The following FHOD3 variants were observed in gnomAD, a reference collection of about 807,000 sequenced individuals.
FHOD3 encodes FH1/FH2 domain-containing protein 3.
Under a neutral mutation model 173.0 loss-of-function variants are expected in FHOD3, and 90 were observed. The observed-to-expected ratio is 0.52, with a 90% CI of 0.44 to 0.62. The LOEUF (loss-of-function observed/expected upper bound fraction) is 0.62, where lower values mean the gene tolerates loss of function less well. Among genes scored for constraint, FHOD3 ranks in the 20% least tolerant of loss-of-function variants. The pLI, the probability that FHOD3 is intolerant of heterozygous loss-of-function variation, is 0.00. For missense variants in FHOD3, 1,945 were observed against 2,034.7 expected (o/e 0.96, Z 0.85); for synonymous variants, 828 against 823.0 (o/e 1.01, Z -0.10).
intron 23 of FHOD3, among the ~76,000 whole-genome samples, chr18:36,746,722 C>T (rs2042171841): frequency 6.6e-6 from 1 of 152,140 alleles, no homozygotes. Context: ...AAAGGTAACA[C>T]ATGTATTAAG....
chr18:36,482,858 C>CACACACACAGAG (rs1400178557), intron 3 of FHOD3, among the ~76,000 whole-genome samples: 30 of 130,454 alleles, frequency 2.3e-4, no homozygotes, highest in African/African-American at 6.2e-4. Context: ...CACACACACA[C>CACACACACAGAG]AGAGAGAGAG....
chr18:36,603,751 G>A (rs866542493), intron 8 of FHOD3, among the ~76,000 whole-genome samples: 13 of 152,140 alleles, frequency 8.5e-5, no homozygotes, highest in African/African-American at 3.1e-4. Flanking sequence ...TGGTCCACCC[G>A]TTTTGGCCTC....
chr18:36,555,100 C>A (rs1257606669), intron 5 of FHOD3, among the ~76,000 whole-genome samples: 1 of 152,070 alleles, frequency 6.6e-6, no homozygotes, highest in African/African-American at 2.4e-5. Context: ...TTAACCAGCT[C>A]TTATTTTTCT....
intron 2 of FHOD3, among the ~76,000 whole-genome samples, chr18:36,365,383 C>G (rs570184082): frequency 1.3e-5 from 2 of 152,120 alleles, no homozygotes; most frequent in Non-Finnish European, 2.9e-5. Context: ...ATCTGATGAC[C>G]TGGAAGACAG....
At chr18:36,352,235 C>A (rs2046162193) in intron 1 of FHOD3, among the ~76,000 whole-genome samples, 1 of 151,590 alleles carries the variant, frequency 6.6e-6, no homozygotes, top group African/African-American at 2.4e-5. Flanking sequence ...AACAGTGAGA[C>A]CCCCCTGCTA....
chr18:36,742,085 A>T (rs1177004698), intron 21 of FHOD3, among the ~76,000 whole-genome samples: 1 of 152,084 alleles, frequency 6.6e-6, no homozygotes, highest in African/African-American at 2.4e-5. Flanking sequence ...CTGAAGCTGG[A>T]TTTCCTGGCT....
At chr18:36,509,803 T>C (rs1204365090) in intron 4 of FHOD3, among the ~76,000 whole-genome samples, 2 of 152,214 alleles carry the variant, frequency 1.3e-5, no homozygotes, top group African/African-American at 4.8e-5. Context: ...CCAAGTTCAC[T>C]CTGTAGTGTT....
chr18:36,526,462 G>T (rs923918016), intron 5 of FHOD3, among the ~76,000 whole-genome samples: 7 of 150,590 alleles, frequency 4.6e-5, no homozygotes, highest in African/African-American at 1.5e-4. Flanking sequence ...ATCTTGCTCT[G>T]TTGCCCCAAC....
At position 36,641,939 on chromosome 18, in the gene FHOD3, C is replaced by T. The variant is rs1057146978; in HGVS notation, c.1197-7377C>T. Reference sequence around the variant, plus strand: ...CTGCACTCCAGACTGAGCAACAGAGCGAAACTCGGTCTCAAAAAAAAAAAA... The same window carrying T: ...CTGCACTCCAGACTGAGCAACAGAGTGAAACTCGGTCTCAAAAAAAAAAAA... On this transcript the variant is annotated intron_variant, in intron 10 of 28. Transcript: ENST00000590592. 4.9e-5 allele frequency among the ~76,000 whole-genome samples: 7 copies of T among 142,468 alleles called. No homozygotes were observed. The East Asian group carries it at 8.2e-4, about 17-fold the overall frequency. The allele number at this position is 142,468 out of a possible 152,430, so 93.5% of individuals were successfully genotyped here. A position where few individuals can be genotyped will look rare whatever the true frequency, so the allele number is the denominator to read the frequency against.
At chr18:36,526,166 C>T (rs2056501276) in intron 5 of FHOD3, among the ~76,000 whole-genome samples, 1 of 152,230 alleles carries the variant, frequency 6.6e-6, no homozygotes, top group Non-Finnish European at 1.5e-5. Context: ...CGGCCAAGGC[C>T]CCTCGTCGTA....
intron 3 of FHOD3, among the ~76,000 whole-genome samples, chr18:36,410,125 C>G (rs1243910541): frequency 6.6e-6 from 1 of 152,030 alleles, no homozygotes; most frequent in Admixed American, 6.6e-5. Flanking sequence ...TTTCATCATC[C>G]TCAAAAAAAA....
At chr18:36,691,857 C>T (rs1241062415) in intron 16 of FHOD3, among the ~76,000 whole-genome samples, 1 of 152,244 alleles carries the variant, frequency 6.6e-6, no homozygotes, top group Non-Finnish European at 1.5e-5. Flanking sequence ...AGGGAAAGAA[C>T]AGAGGATGGT....
intron 3 of FHOD3, among the ~76,000 whole-genome samples, chr18:36,464,847 C>T (rs888636700): frequency 3.3e-4 from 50 of 152,128 alleles, no homozygotes; most frequent in African/African-American, 5.8e-4. Flanking sequence ...TCTCTCCCCC[C>T]TCTTTCTTCC....
At chr18:36,683,327 C>T (rs1255518189) in intron 15 of FHOD3, among the ~76,000 whole-genome samples, 1 of 152,208 alleles carries the variant, frequency 6.6e-6, no homozygotes, top group East Asian at 1.9e-4. Context: ...GATTAGCTTA[C>T]ATCCAAAGTG....
chr18:36,673,332 G>C (rs558126523), intron 14 of FHOD3, among the ~76,000 whole-genome samples: 4 of 152,262 alleles, frequency 2.6e-5, no homozygotes, highest in African/African-American at 9.6e-5. Context: ...CAAATGAACT[G>C]TTTATTTCCG....
chr18:36,488,163 C>T (rs576641885), intron 3 of FHOD3, among the ~76,000 whole-genome samples: 1 of 152,238 alleles, frequency 6.6e-6, no homozygotes, highest in African/African-American at 2.4e-5. Context: ...AAGGAAGAAC[C>T]CTGGCCCCAT....
At chr18:36,702,340 G>A (rs893744658) in intron 17 of FHOD3, among the ~76,000 whole-genome samples, 7 of 152,228 alleles carry the variant, frequency 4.6e-5, no homozygotes, top group Non-Finnish European at 8.8e-5. Context: ...CCCAGGCTGA[G>A]AAACCTTGCT....
intron 16 of FHOD3, among the ~76,000 whole-genome samples, chr18:36,690,208 C>T (rs751306407): frequency 7.2e-5 from 11 of 152,134 alleles, no homozygotes; most frequent in Non-Finnish European, 8.8e-5. Flanking sequence ...CAGTTCTTGG[C>T]ACATGACAGG....
chr18:36,430,537 A>T (rs929363097), intron 3 of FHOD3, among the ~76,000 whole-genome samples: 1 of 152,242 alleles, frequency 6.6e-6, no homozygotes, highest in Non-Finnish European at 1.5e-5. Flanking sequence ...TTAAAATTTT[A>T]AAAATGTTTA....
Sources: allele counts gnomAD v4.1 joint callset (sites outside exome capture counted in the v4.1 genomes callset), GRCh38; gene constraint gnomAD v4.1.1; transcripts MANE v1.5; gene names NCBI Gene and HGNC (gene_info 2026-07-23, HGNC 2026-07-21).